Variants in INTS7 observed in about 807,000 individuals in gnomAD.
INTS7 encodes the protein integrator complex subunit 7, also known as chromosome 1 open reading frame 73.
In INTS7, 46 loss-of-function variants were observed where a neutral mutation model predicts 109.2. That is an observed-to-expected ratio of 0.42 (90% CI 0.33 to 0.54). INTS7 has a LOEUF of 0.54. INTS7 is among the 20% of genes least tolerant of loss of function. The probability of loss-of-function intolerance (pLI) is 0.07; values close to 1 mark genes in which losing one functional copy is unlikely to be tolerated. For missense variants in INTS7, 929 were observed against 1,132.4 expected (o/e 0.82, Z 2.58); for synonymous variants, 412 against 402.9 (o/e 1.02, Z -0.27).
At chr1:211,968,734 T>A in intron 13 of INTS7, 27 bp from the exon 14 acceptor site, 2 of 1,557,126 alleles carry the variant, frequency 1.3e-6, no homozygotes, top group Non-Finnish European at 1.8e-6. Context: ...AAAGAGATAT[T>A]TAAGACAAAG....
At chr1:211,990,369 G>A (rs556187180) in intron 7 of INTS7, among the ~76,000 whole-genome samples, 2 of 152,058 alleles carry the variant, frequency 1.3e-5, no homozygotes, top group South Asian at 2.1e-4. Context: ...GAACATGCAC[G>A]TAGTGTATTT....
intron 13 of INTS7, 53 bp downstream of exon 13, chr1:211,975,113 G>C: frequency 8.0e-7 from 1 of 1,248,944 alleles, no homozygotes; most frequent in Non-Finnish European, 1.2e-6. Flanking sequence ...AAAGAGAAGG[G>C]AGAGAACTCT....
rs1462442173 is a variant in INTS7 at position 211,982,764 on chromosome 1, G to T, written c.1044C>A (p.Ala348=). ...SPRSSDLVKL[A]QECCYHNNRG... ...TGTTATTATGGTAACAGCACTCTTG[G>T]GCTAATTTGACTAAATCAGAAGATC... Residue 348 remains alanine, a synonymous_variant, in exon 9 of 20, where the codon GCC becomes GCA. Coordinates refer to ENST00000366994, the MANE Select transcript of INTS7 (RefSeq NM_015434.4). 4 of 1,610,686 alleles carry T rather than the reference G, an allele frequency of 2.5e-6. No individual in the cohort carries two copies. The highest frequency in any genetic ancestry group is 3.4e-6 in the Non-Finnish European group (4 of 1,177,742).
At chr1:211,982,516 G>C (rs1272526660) in intron 9 of INTS7, among the ~76,000 whole-genome samples, 160 bp downstream of exon 9, 2 of 152,020 alleles carry the variant, frequency 1.3e-5, no homozygotes, top group African/African-American at 4.8e-5. Flanking sequence ...CAAGGATAAA[G>C]TAGTCTTAAG....
chr1:211,956,902 C>G (rs923474580), intron 16 of INTS7, among the ~76,000 whole-genome samples: 1 of 152,178 alleles, frequency 6.6e-6, no homozygotes, highest in Non-Finnish European at 1.5e-5. Context: ...GTGTATACAT[C>G]TGTGTGGAAA....
At chr1:212,003,155 T>C (rs114813826) in intron 7 of INTS7, among the ~76,000 whole-genome samples, 1,688 of 152,096 alleles carry the variant, frequency 0.011, 30 homozygotes, top group African/African-American at 0.038. Context: ...CTGAAGAAAT[T>C]ACAAGTAACA....
At chr1:211,958,065 A>T (rs1016232147) in intron 16 of INTS7, among the ~76,000 whole-genome samples, 2 of 94,992 alleles carry the variant, frequency 2.1e-5, no homozygotes, top group African/African-American at 6.5e-5. Flanking sequence ...TATCTTTTTA[A>T]AAATTAAAAA....
chr1:211,974,852 T>G (rs1489204290), intron 13 of INTS7, among the ~76,000 whole-genome samples: 1 of 152,166 alleles, frequency 6.6e-6, no homozygotes, highest in Non-Finnish European at 1.5e-5. Flanking sequence ...GGTTTATGTT[T>G]GATGGTGGTA....
chr1:212,015,082 G>C (rs1448185430), intron 4 of INTS7, among the ~76,000 whole-genome samples: 1 of 141,892 alleles, frequency 7.0e-6, no homozygotes, highest in African/African-American at 3.1e-5. Flanking sequence ...CCCCATCCGG[G>C]AGGTGGGGGG....
chr1:212,035,318 C>G, intron 1 of INTS7, 26 bp downstream of exon 1: 1 of 1,497,028 alleles, frequency 6.7e-7, no homozygotes, highest in Non-Finnish European at 9.3e-7. Flanking sequence ...GCCTGTTTCA[C>G]CCATTCAGCC....
At chr1:211,961,017 A>C (rs1663601057) in intron 16 of INTS7, among the ~76,000 whole-genome samples, 1 of 152,100 alleles carries the variant, frequency 6.6e-6, no homozygotes, top group Admixed American at 6.5e-5. Flanking sequence ...TGTCTCAGAA[A>C]AAAGAAAAAA....
intron 1 of INTS7, among the ~76,000 whole-genome samples, chr1:212,028,804 T>C (rs986566471): frequency 6.6e-6 from 1 of 152,180 alleles, no homozygotes; most frequent in Admixed American, 6.5e-5. Flanking sequence ...AAAAATCACA[T>C]AAATTAGGTA....
chr1:211,974,272 AAAAAATATATATAT>A lies in INTS7; in HGVS notation c.1815+880_1815+893del, dbSNP rs1487545879. Among the ~76,000 whole-genome samples the A allele has an allele frequency of 3.5e-4, 22 of 62,322 alleles. No homozygotes were observed. In the East Asian group the frequency reaches 4.6e-3, roughly 13 times the overall value. The allele number at this position is 62,322 out of a possible 152,430, so 40.9% of individuals were successfully genotyped here. ...GAAACAACAATCTCTTCCCAGAAAAAAAAAATATATATATATATATATATATATATATATATAAA... is the reference window on the plus strand; with the variant it reads ...GAAACAACAATCTCTTCCCAGAAAAAATATATATATATATATATATATAAA... On this transcript the variant is annotated intron_variant, in intron 13 of 19. Transcript: ENST00000366994.
Position 211,966,511 on chromosome 1 carries a change from T to C in INTS7, c.2115-13A>G. On this transcript the variant is annotated splice_polypyrimidine_tract_variant and intron_variant, in intron 15 of 19. Coordinates refer to ENST00000366994, the MANE Select transcript of INTS7 (RefSeq NM_015434.4). ...GCTCTGCTGCTGTCTGGATTGATGTTAAGGTTACATACGAAAATAGAGAAG... is the reference window on the plus strand; with the variant it reads ...GCTCTGCTGCTGTCTGGATTGATGTCAAGGTTACATACGAAAATAGAGAAG... The C allele has an allele frequency of 6.4e-7, 1 of 1,559,816 alleles. No individual in the cohort carries two copies. The highest frequency in any genetic ancestry group is 8.8e-7 in the Non-Finnish European group (1 of 1,137,632).
At chr1:211,993,964 AT>A (rs1665257709) in intron 7 of INTS7, among the ~76,000 whole-genome samples, 2 of 152,294 alleles carry the variant, frequency 1.3e-5, no homozygotes, top group Admixed American at 1.3e-4. Flanking sequence ...CCATCTGAAA[AT>A]TATAATACTA....
chr1:211,992,551 G>C (rs1361220174), intron 7 of INTS7, among the ~76,000 whole-genome samples: 1 of 151,954 alleles, frequency 6.6e-6, no homozygotes, highest in East Asian at 1.9e-4. Flanking sequence ...GGTGTGGTGG[G>C]GCGCATCTGT....
At chr1:212,009,460 GAGA>G (rs1558051714) in intron 5 of INTS7, among the ~76,000 whole-genome samples, 1 of 152,150 alleles carries the variant, frequency 6.6e-6, no homozygotes, top group African/African-American at 2.4e-5. Context: ...AGGAGTTGCA[GAGA>G]AGAATGAGGT....
intron 7 of INTS7, among the ~76,000 whole-genome samples, chr1:211,989,424 C>T (rs1290807440): frequency 2.6e-5 from 4 of 151,094 alleles, no homozygotes; most frequent in African/African-American, 9.7e-5. Flanking sequence ...GTAAAAAGTA[C>T]TATGAGGTAA....
intron 1 of INTS7, among the ~76,000 whole-genome samples, chr1:212,030,536 G>C (rs895592739): frequency 6.6e-6 from 1 of 152,062 alleles, no homozygotes; most frequent in African/African-American, 2.4e-5. Flanking sequence ...TGATCCGCCC[G>C]CCTCGGCCTC....
Sources: gnomAD v4.1 joint callset for allele counts (sites outside exome capture counted in the v4.1 genomes callset) on GRCh38, gnomAD v4.1.1 for gene constraint, MANE v1.5 for transcripts, NCBI Gene and HGNC (gene_info 2026-07-23, HGNC 2026-07-21) for gene names.